CPED1: variants seen among roughly 807,000 people sequenced by gnomAD.
CPED1 encodes the protein cadherin like and PC-esterase domain containing 1.
Under a neutral mutation model 128.2 loss-of-function variants are expected in CPED1, and 114 were observed. That is an observed-to-expected ratio of 0.89 (90% CI 0.76 to 1.04). CPED1 has a LOEUF of 1.04. CPED1 is among the 50% of genes least tolerant of loss of function. The probability of loss-of-function intolerance (pLI) is 0.00; values close to 1 mark genes in which losing one functional copy is unlikely to be tolerated. For missense variants in CPED1, 1,211 were observed against 1,207.1 expected, an observed-to-expected ratio of 1.00 and a Z score of -0.05; for synonymous variants, 462 against 426.7, an observed-to-expected ratio of 1.08 and a Z score of -1.02.
chr7:121,215,151 C>T (rs1236382415), intron 16 of CPED1, among the ~76,000 whole-genome samples: 2 of 151,984 alleles, frequency 1.3e-5, no homozygotes, highest in Admixed American at 1.3e-4. Flanking sequence ...ATGGTTATGA[C>T]AGGTGAGCTC....
intron 5 of CPED1, among the ~76,000 whole-genome samples, chr7:121,095,797 A>G (rs1195226470): frequency 6.6e-6 from 1 of 152,118 alleles, no homozygotes; most frequent in African/African-American, 2.4e-5. Flanking sequence ...TTGAGATACT[A>G]TCTTGGCACA....
At chr7:121,026,279 C>G (rs1792579432) in intron 3 of CPED1, among the ~76,000 whole-genome samples, 1 of 152,148 alleles carries the variant, frequency 6.6e-6, no homozygotes. Flanking sequence ...CAGGGGTCTA[C>G]CTGCTTCCTT....
In CPED1 at chr7:121,064,292, C is replaced by T; in HGVS notation, c.595C>T (p.Gln199Ter). 1.9e-6 allele frequency: 3 copies of T among 1,611,878 alleles called. No homozygotes were observed. Among genetic ancestry groups the T allele is most frequent in the Non-Finnish European group, 2.5e-6 (3 of 1,178,046 alleles). The change falls in exon 5 of 23, where the codon CAA (glutamine) becomes TAA (stop). Residue 199 changes from glutamine (Q) to a stop codon, truncating the protein, a stop_gained. Transcript: ENST00000310396. LOFTEE classifies it high-confidence loss of function. Reference sequence around the variant, plus strand: ...ACTTTGCAGAAAGGAAGGATTATGTCAAATAGTTAGAAGATTCCCAGGTAA... The same window carrying T: ...ACTTTGCAGAAAGGAAGGATTATGTTAAATAGTTAGAAGATTCCCAGGTAA... ...QPLCRKEGLC[Q>*]IVRRFPELQL...
intron 16 of CPED1, among the ~76,000 whole-genome samples, chr7:121,174,130 C>T (rs1405322411): frequency 6.6e-6 from 1 of 152,106 alleles, no homozygotes; most frequent in Non-Finnish European, 1.5e-5. Context: ...AGACCTTTGT[C>T]AGATGCATGG....
At chr7:121,155,357 A>G (rs972021432) in intron 16 of CPED1, among the ~76,000 whole-genome samples, 1 of 152,206 alleles carries the variant, frequency 6.6e-6, no homozygotes, top group Non-Finnish European at 1.5e-5. Flanking sequence ...ATAGAAAAAC[A>G]ATCCTAAAAT....
rs1446372210 is a variant in CPED1 at position 121,252,215 on chromosome 7, A to G, written c.2310+7877A>G. On this transcript the variant is annotated intron_variant, in intron 18 of 22. Transcript: ENST00000310396. ...CCTGACAAAAACAAGCAATGGGGAA[A>G]GGATTCCCTATTTAATAAATGATAC... is the stretch of plus-strand genomic sequence containing the variant. 8.6e-5 allele frequency among the ~76,000 whole-genome samples: 13 copies of G among 151,744 alleles called. No homozygotes were observed. The East Asian group carries it at 2.5e-3, about 29-fold the overall frequency.
chr7:121,290,958 C>T (rs1475806793), intron 22 of CPED1, among the ~76,000 whole-genome samples: 1 of 152,142 alleles, frequency 6.6e-6, no homozygotes, highest in African/African-American at 2.4e-5. Flanking sequence ...AATATTTAAA[C>T]TATCTTGAGT....
intron 16 of CPED1, among the ~76,000 whole-genome samples, chr7:121,202,761 T>C (rs1442545568): frequency 6.6e-6 from 1 of 152,072 alleles, no homozygotes; most frequent in African/African-American, 2.4e-5. Context: ...GTTGAGTAAA[T>C]TAATAGATAC....
At chr7:121,015,236 C>T (rs769325229) in intron 2 of CPED1, among the ~76,000 whole-genome samples, 2 of 152,174 alleles carry the variant, frequency 1.3e-5, no homozygotes, top group Non-Finnish European at 2.9e-5. Flanking sequence ...TGACCATGTC[C>T]TTTCAGTACA....
At chr7:121,255,011 A>G (rs756049741) in intron 18 of CPED1, among the ~76,000 whole-genome samples, 1 of 151,996 alleles carries the variant, frequency 6.6e-6, no homozygotes, top group Non-Finnish European at 1.5e-5. Flanking sequence ...TGCTACTGAA[A>G]CTATCCCAAA....
chr7:121,122,850 C>T (rs141902879), intron 7 of CPED1, among the ~76,000 whole-genome samples: 2,848 of 152,240 alleles, frequency 0.019, 87 homozygotes, highest in African/African-American at 0.064. Flanking sequence ...TATTCTTCCT[C>T]ATGGAGATAA....
At chr7:121,184,284 G>GA (rs775161496) in intron 16 of CPED1, among the ~76,000 whole-genome samples, 2 of 152,114 alleles carry the variant, frequency 1.3e-5, no homozygotes, top group Non-Finnish European at 2.9e-5. Context: ...ATAAAAAGGG[G>GA]AAAAGAGTGT....
At chr7:121,295,003 T>G (rs899859960) in intron 22 of CPED1, among the ~76,000 whole-genome samples, 32 of 152,144 alleles carry the variant, frequency 2.1e-4, no homozygotes, top group African/African-American at 7.0e-4. Flanking sequence ...TGAAAATAGT[T>G]TTAGTTGCCA....
chr7:121,267,945 C>A (rs1358358505), intron 21 of CPED1, among the ~76,000 whole-genome samples: 1 of 152,008 alleles, frequency 6.6e-6, no homozygotes, highest in Non-Finnish European at 1.5e-5. Context: ...CTTTCCCCAG[C>A]ACAGAACACA....
intron 16 of CPED1, among the ~76,000 whole-genome samples, chr7:121,144,398 C>T (rs971591607): frequency 2.0e-5 from 3 of 151,964 alleles, no homozygotes; most frequent in Non-Finnish European, 4.4e-5. Context: ...ATGGATGGAA[C>T]TGGAAGATAT....
At chr7:121,138,140 C>T (rs1414168513) in intron 14 of CPED1, among the ~76,000 whole-genome samples, 1 of 152,074 alleles carries the variant, frequency 6.6e-6, no homozygotes, top group African/African-American at 2.4e-5. Context: ...TGCCTCAGAA[C>T]AGGTGGGATT....
chr7:121,251,399 C>A (rs559356126), intron 18 of CPED1, among the ~76,000 whole-genome samples: 1,650 of 152,234 alleles, frequency 0.011, 27 homozygotes, highest in Non-Finnish European at 0.014. Context: ...CCTTTGAAAA[C>A]TGGCACAAGA....
intron 18 of CPED1, among the ~76,000 whole-genome samples, chr7:121,263,886 G>A (rs1792069870): frequency 6.6e-6 from 1 of 151,906 alleles, no homozygotes; most frequent in South Asian, 2.1e-4. Context: ...GATCTCAAAG[G>A]TCCTTTACTA....
chr7:121,040,125 A>C (rs951652842), intron 3 of CPED1, among the ~76,000 whole-genome samples: 1 of 152,078 alleles, frequency 6.6e-6, no homozygotes, highest in Non-Finnish European at 1.5e-5. Context: ...CTTAAAGGCT[A>C]TGGAGCCAGA....
Sources: gnomAD v4.1 joint callset for allele counts (sites outside exome capture counted in the v4.1 genomes callset) on GRCh38, gnomAD v4.1.1 for gene constraint, MANE v1.5 for transcripts, NCBI Gene and HGNC (gene_info 2026-07-23, HGNC 2026-07-21) for gene names.